The following NETO1 variants were observed in gnomAD, a reference collection of about 807,000 sequenced individuals.
NETO1 encodes the protein neuropilin and tolloid like 1.
Under a neutral mutation model 61.3 loss-of-function variants are expected in NETO1, and 26 were observed. The observed-to-expected ratio is 0.42, with a 90% CI of 0.31 to 0.59. The LOEUF is 0.59. Ranked by LOEUF, NETO1 falls within the 20% of genes least tolerant of loss-of-function variation. NETO1 has a pLI of 0.12. For synonymous variants in NETO1, 225 were observed against 225.8 expected, an observed-to-expected ratio of 1.00 and a Z score of 0.03; for missense variants, 531 against 662.8, an observed-to-expected ratio of 0.80 and a Z score of 2.18.
chr18:72,801,449 T>C (rs976155559), intron 4 of NETO1, among the ~76,000 whole-genome samples: 2 of 152,190 alleles, frequency 1.3e-5, no homozygotes, highest in African/African-American at 4.8e-5. Flanking sequence ...TTTCCAGATA[T>C]TACATGACAA....
intron 7 of NETO1, among the ~76,000 whole-genome samples, chr18:72,772,793 T>TATCTCTCTCTCTCTCTC (rs1391807702): frequency 1.7e-5 from 1 of 58,956 alleles, no homozygotes; most frequent in Admixed American, 1.6e-4. Context: ...CTCTATATAG[T>TATCTCTCTCTCTCTCTC]TCTCTCTCTC....
chr18:72,759,054 C>A (rs2070883046), intron 7 of NETO1, among the ~76,000 whole-genome samples: 1 of 152,154 alleles, frequency 6.6e-6, no homozygotes, highest in African/African-American at 2.4e-5. Context: ...TTAAGAACTA[C>A]AATGGCACCA....
chr18:72,812,157 T>G (rs753284468), intron 4 of NETO1, among the ~76,000 whole-genome samples: 13 of 152,180 alleles, frequency 8.5e-5, no homozygotes, highest in Admixed American at 3.9e-4. Context: ...ATAAGTACAA[T>G]TATTCTCATT....
At chr18:72,789,371 C>T (rs1897645831) in intron 6 of NETO1, among the ~76,000 whole-genome samples, 1 of 151,978 alleles carries the variant, frequency 6.6e-6, no homozygotes, top group African/African-American at 2.4e-5. Context: ...ATAAAAATGC[C>T]ATTTTAAAAC....
chr18:72,863,414 C>T (rs2074639697), intron 3 of NETO1, among the ~76,000 whole-genome samples: 1 of 152,146 alleles, frequency 6.6e-6, no homozygotes, highest in Admixed American at 6.5e-5. Context: ...CCTAGGGCCC[C>T]TTTAGATTGT....
intron 4 of NETO1, among the ~76,000 whole-genome samples, chr18:72,805,669 G>A (rs954786494): frequency 6.6e-6 from 1 of 152,124 alleles, no homozygotes; most frequent in Non-Finnish European, 1.5e-5. Context: ...TCGACCTCCA[G>A]ATTTCCATAT....
At chr18:72,806,965 A>C (rs1042496013) in intron 4 of NETO1, among the ~76,000 whole-genome samples, 2 of 152,222 alleles carry the variant, frequency 1.3e-5, no homozygotes, top group African/African-American at 4.8e-5. Flanking sequence ...CTCAAGGTTG[A>C]AAACCAGAGT....
intron 3 of NETO1, among the ~76,000 whole-genome samples, chr18:72,862,612 C>CTTTT (rs147165249): frequency 1.9e-5 from 2 of 106,900 alleles, no homozygotes; most frequent in Non-Finnish European, 2.2e-5. Context: ...ACTCATGATC[C>CTTTT]TTTTTTTTTC....
chr18:72,860,617 A>G (rs1032305724), intron 3 of NETO1, among the ~76,000 whole-genome samples: 10 of 152,210 alleles, frequency 6.6e-5, no homozygotes, highest in African/African-American at 2.4e-4. Context: ...TTGAAAAGAG[A>G]CATTTATAAC....
intron 2 of NETO1, 79 bp from the exon 3 acceptor site, chr18:72,865,024 A>G (rs2074692634): frequency 6.8e-7 from 1 of 1,478,962 alleles, no homozygotes; most frequent in African/African-American, 1.4e-5. Context: ...ACATTCTTAT[A>G]ATATCCATTA....
intron 4 of NETO1, among the ~76,000 whole-genome samples, chr18:72,842,077 T>C (rs1201324797): frequency 1.3e-5 from 2 of 152,138 alleles, no homozygotes; most frequent in African/African-American, 4.8e-5. Flanking sequence ...GATACTGCAC[T>C]GTATTTGCAA....
intron 4 of NETO1, among the ~76,000 whole-genome samples, chr18:72,839,665 T>C (rs2073859440): frequency 6.6e-6 from 1 of 152,080 alleles, no homozygotes; most frequent in African/African-American, 2.4e-5. Flanking sequence ...TGTTGTCACA[T>C]GAAAGGTGCA....
At chr18:72,819,319 T>C (rs1156820101) in intron 4 of NETO1, among the ~76,000 whole-genome samples, 1 of 152,178 alleles carries the variant, frequency 6.6e-6, no homozygotes, top group Non-Finnish European at 1.5e-5. Flanking sequence ...TGTATATATA[T>C]TGATAACAAA....
intron 6 of NETO1, 30 bp downstream of exon 6, chr18:72,794,087 G>T (rs17086312): frequency 1.2e-6 from 2 of 1,613,860 alleles, no homozygotes; most frequent in African/African-American, 2.7e-5. Context: ...AACGTCAGCT[G>T]TCAAGTGTGG....
chr18:72,818,764 TTATA>T (rs992546692), intron 4 of NETO1, among the ~76,000 whole-genome samples: 1 of 152,162 alleles, frequency 6.6e-6, no homozygotes, highest in Non-Finnish European at 1.5e-5. Flanking sequence ...CATTATAACT[TTATA>T]TAAACATTTT....
chr18:72,782,850 G>A (rs568465030), intron 7 of NETO1, among the ~76,000 whole-genome samples: 1 of 152,190 alleles, frequency 6.6e-6, no homozygotes, highest in South Asian at 2.1e-4. Context: ...CAGCTATTCT[G>A]ACTGGTATGA....
At chr18:72,766,677 TA>T (rs2071172686) in intron 7 of NETO1, among the ~76,000 whole-genome samples, 3 of 152,210 alleles carry the variant, frequency 2.0e-5, no homozygotes, top group African/African-American at 4.8e-5. Context: ...CACACATATT[TA>T]TGAGATTCCT....
At chr18:72,821,653 T>C (rs951916970) in intron 4 of NETO1, among the ~76,000 whole-genome samples, 1 of 151,744 alleles carries the variant, frequency 6.6e-6, no homozygotes, top group African/African-American at 2.4e-5. Flanking sequence ...ACACTGATGA[T>C]CTCATTAATC....
At chr18:72,764,426 T>G (rs192303584) in intron 7 of NETO1, among the ~76,000 whole-genome samples, 2 of 152,258 alleles carry the variant, frequency 1.3e-5, no homozygotes, top group East Asian at 3.9e-4. Flanking sequence ...TTACTAATGT[T>G]TATCAGTTCA....
Sources: gnomAD v4.1 joint callset for allele counts (sites outside exome capture counted in the v4.1 genomes callset) on GRCh38, gnomAD v4.1.1 for gene constraint, MANE v1.5 for transcripts, NCBI Gene and HGNC (gene_info 2026-07-23, HGNC 2026-07-21) for gene names.